Variants in OPCML observed in about 807,000 individuals in gnomAD.
OPCML encodes the protein opioid-binding protein/cell adhesion molecule.
Under a neutral mutation model 37.8 loss-of-function variants are expected in OPCML, and 13 were observed. The ratio of observed to expected loss-of-function variants is 0.34; its 90% CI spans 0.22 to 0.55. The LOEUF (loss-of-function observed/expected upper bound fraction) is 0.55, where lower values mean the gene tolerates loss of function less well. Ranked by LOEUF, OPCML falls within the 20% of genes least tolerant of loss-of-function variation. OPCML has a pLI of 0.91. For missense variants in OPCML, 341 were observed against 435.6 expected, an observed-to-expected ratio of 0.78 and a Z score of 1.93; for synonymous variants, 176 against 168.8, an observed-to-expected ratio of 1.04 and a Z score of -0.33.
At chr11:133,080,666 G>A (rs537103362) in intron 1 of OPCML, among the ~76,000 whole-genome samples, 9 of 152,158 alleles carry the variant, frequency 5.9e-5, no homozygotes, top group South Asian at 4.2e-4. Context: ...CACTGTGCCC[G>A]TTTATTTTCA....
intron 2 of OPCML, among the ~76,000 whole-genome samples, chr11:132,894,188 T>G (rs1943751726): frequency 6.6e-6 from 1 of 152,216 alleles, no homozygotes; most frequent in South Asian, 2.1e-4. Flanking sequence ...TCAATCATCT[T>G]GTTACACTAG....
Position 133,287,526 on chromosome 11 carries a change from A to T in OPCML, c.61+244738T>A, listed in dbSNP as rs536169321. On this transcript the variant is annotated intron_variant, in intron 1 of 7. Transcript: ENST00000524381. ...ACAGATATTGACTCTGATTTCTTTC[A>T]TGGGAATGTTCAGAAAAAAAAAAAA... 2.2e-5 allele frequency among the ~76,000 whole-genome samples: 3 copies of T among 139,384 alleles called. No individual in the cohort carries two copies. The South Asian group carries it at 7.1e-4, about 33-fold the overall frequency. 91.4% of individuals were successfully genotyped at this position (139,384 alleles called of 152,430 possible).
chr11:132,643,218 G>A (rs1200769190), intron 3 of OPCML, among the ~76,000 whole-genome samples: 2 of 152,154 alleles, frequency 1.3e-5, no homozygotes, highest in African/African-American at 2.4e-5. Context: ...CAGAGGTTGC[G>A]GTGAGCCGAG....
chr11:132,716,404 ATCTGTCTGTCTATCTATCTATCTATCT>A (rs1944484325), intron 2 of OPCML, among the ~76,000 whole-genome samples: 1 of 40,858 alleles, frequency 2.4e-5, no homozygotes, highest in African/African-American at 1.6e-4. Flanking sequence ...CTATCTATCT[ATCTGTCTGTCTATCTATCTATCTATCT>A]ATCTATCTAT....
At chr11:132,765,273 A>C (rs1051657387) in intron 2 of OPCML, among the ~76,000 whole-genome samples, 11 of 152,358 alleles carry the variant, frequency 7.2e-5, no homozygotes, top group Admixed American at 2.0e-4. Context: ...TAATGTGAGT[A>C]ATAAGTAAAC....
At chr11:133,153,146 G>C (rs1201435540) in intron 1 of OPCML, among the ~76,000 whole-genome samples, 1 of 152,136 alleles carries the variant, frequency 6.6e-6, no homozygotes, top group South Asian at 2.1e-4. Context: ...ACATTCTGCA[G>C]CAGCTCAGAG....
intron 1 of OPCML, 58 bp downstream of exon 1, chr11:133,532,206 T>G: frequency 1.9e-6 from 3 of 1,589,194 alleles, no homozygotes; most frequent in Admixed American, 3.5e-5. Flanking sequence ...CTGCCTCTCC[T>G]GCTCTCACGT....
chr11:133,328,235 G>T (rs1943527187), intron 1 of OPCML, among the ~76,000 whole-genome samples: 1 of 148,310 alleles, frequency 6.7e-6, no homozygotes, highest in South Asian at 2.1e-4. Flanking sequence ...TCGGCTCACT[G>T]CAACCTCCGC....
chr11:132,526,566 G>A (rs1255046751), intron 4 of OPCML, among the ~76,000 whole-genome samples: 1 of 152,042 alleles, frequency 6.6e-6, no homozygotes, highest in African/African-American at 2.4e-5. Context: ...CAAGGCAGGA[G>A]CAAAAATACG....
intron 1 of OPCML, among the ~76,000 whole-genome samples, chr11:133,244,945 C>T (rs947763929): frequency 4.6e-5 from 7 of 152,302 alleles, no homozygotes; most frequent in South Asian, 2.1e-4. Context: ...CCTGAGATGG[C>T]GATGCCTGCC....
chr11:132,664,324 C>G (rs1273078383), intron 2 of OPCML, among the ~76,000 whole-genome samples: 1 of 151,990 alleles, frequency 6.6e-6, no homozygotes, highest in Non-Finnish European at 1.5e-5. Flanking sequence ...CATCCTTGAC[C>G]CCTGCTTTTA....
At chr11:132,635,855 AG>A (rs1940459950) in intron 3 of OPCML, among the ~76,000 whole-genome samples, 1 of 152,232 alleles carries the variant, frequency 6.6e-6, no homozygotes, top group African/African-American at 2.4e-5. Context: ...CTCCCCAAAC[AG>A]AACCAAGCGG....
intron 1 of OPCML, among the ~76,000 whole-genome samples, chr11:133,331,419 A>T (rs1296390499): frequency 6.6e-6 from 1 of 152,078 alleles, no homozygotes; most frequent in African/African-American, 2.4e-5. Flanking sequence ...CCACAGGGGG[A>T]TCAGAGCCAC....
intron 1 of OPCML, among the ~76,000 whole-genome samples, chr11:133,378,764 ACT>A (rs1343447100): frequency 1.4e-5 from 2 of 144,868 alleles, no homozygotes; most frequent in Non-Finnish European, 3.0e-5. Flanking sequence ...ATAAAGTCTC[ACT>A]CTGTCACCTA....
chr11:132,813,606 G>T (rs1162453743), intron 2 of OPCML, among the ~76,000 whole-genome samples: 1 of 152,146 alleles, frequency 6.6e-6, no homozygotes, highest in Non-Finnish European at 1.5e-5. Context: ...TAATTGGAGA[G>T]AACCTCTTTA....
chr11:132,803,459 A>T (rs891997690), intron 2 of OPCML, among the ~76,000 whole-genome samples: 14 of 152,186 alleles, frequency 9.2e-5, no homozygotes, highest in African/African-American at 3.1e-4. Context: ...TCCCACTACC[A>T]TTCCCACCAC....
intron 4 of OPCML, among the ~76,000 whole-genome samples, chr11:132,486,493 C>T (rs1003278233): frequency 3.3e-5 from 5 of 151,880 alleles, no homozygotes; most frequent in East Asian, 1.9e-4. Flanking sequence ...ATTCCCTGCT[C>T]AAATAAGTTT....
At chr11:132,482,592 C>T in intron 4 of OPCML, among the ~76,000 whole-genome samples, 1 of 152,158 alleles carries the variant, frequency 6.6e-6, no homozygotes, top group Admixed American at 6.5e-5. Context: ...CATTCTGATA[C>T]CAAAGCTGGG....
chr11:132,587,654 C>CA lies in OPCML; in HGVS notation c.380-58469dup, dbSNP rs535524816. Among the ~76,000 whole-genome samples, 468 of 152,288 alleles carry CA rather than the reference C, an allele frequency of 3.1e-3. 3 individuals carry two copies. The highest frequency in any genetic ancestry group is 0.028 in the South Asian group (136 of 4,820). On this transcript the variant is annotated intron_variant, in intron 3 of 7. Coordinates refer to ENST00000524381, the MANE Select transcript of OPCML (RefSeq NM_001012393.5). ...CAATATTGCCTTGAGCTAGAGCACC[C>CA]ACTTTACACCTAAGGGGGCACTGCC...
Sources: gnomAD v4.1 joint callset for allele counts (sites outside exome capture counted in the v4.1 genomes callset) on GRCh38, gnomAD v4.1.1 for gene constraint, MANE v1.5 for transcripts, NCBI Gene and HGNC (gene_info 2026-07-23, HGNC 2026-07-21) for gene names.